Variants in RHBDL3 observed in about 807,000 individuals in gnomAD.
The protein encoded by RHBDL3 is rhomboid like 3, also known as rhomboid-related protein 3.
In RHBDL3, 28 loss-of-function variants were observed where a neutral mutation model predicts 48.2. That is an observed-to-expected ratio of 0.58 (90% CI 0.43 to 0.80). RHBDL3 has a LOEUF of 0.80. RHBDL3 is among the 30% of genes least tolerant of loss of function. The pLI, the probability that RHBDL3 is intolerant of heterozygous loss-of-function variation, is 0.00. For synonymous variants in RHBDL3, 208 were observed against 232.3 expected (o/e 0.90, Z 0.95); for missense variants, 464 against 542.7 (o/e 0.85, Z 1.44).
intron 5 of RHBDL3, among the ~76,000 whole-genome samples, chr17:32,296,423 C>T (rs1175968139): frequency 6.8e-6 from 1 of 147,420 alleles, no homozygotes; most frequent in African/African-American, 2.5e-5. Flanking sequence ...GCAGCCACCA[C>T]CTCCTGGGTT....
At chr17:32,316,521 C>CT (rs1007339710) in intron 8 of RHBDL3, among the ~76,000 whole-genome samples, 16 of 151,340 alleles carry the variant, frequency 1.1e-4, no homozygotes, top group African/African-American at 3.2e-4. Context: ...ATATTTTCAT[C>CT]TTTTTTTTTG....
rs2040263856 is a variant in RHBDL3 at position 32,289,001 on chromosome 17, A to G, written c.504A>G (p.Thr168=). The part of the protein sequence containing the change: ...TCCPPPWFMI[T]VTLLEVAFFL... ...GCCCCCCACCCTGGTTCATGATCAC[A>G]GTCACGCTGCTGGAGGCAAGGACAA... The change falls in exon 4 of 9, where the codon ACA becomes ACG. Residue 168 remains threonine, a synonymous_variant. Transcript: ENST00000269051. 6.2e-7 allele frequency: 1 copy of G among 1,614,122 alleles called. No individual in the cohort carries two copies. Among genetic ancestry groups the G allele is most frequent in the Non-Finnish European group, 8.5e-7 (1 of 1,179,986 alleles).
intron 2 of RHBDL3, among the ~76,000 whole-genome samples, chr17:32,279,429 A>T (rs1431917114): frequency 6.6e-6 from 1 of 152,164 alleles, no homozygotes; most frequent in Non-Finnish European, 1.5e-5. Flanking sequence ...AGAACTCTGC[A>T]GCGTAGTTTG....
rs780541044 is a variant in RHBDL3 at position 32,284,780 on chromosome 17, C to T, written c.257C>T (p.Ala86Val). ...CTCCTGGCTCTTGCCGACAGCCACG[C>T]GGATGGGCAGATCGGCTACCAGGAT... Reference protein sequence around the residue: ...EVLLALADSHADGQIGYQDFV... With the variant: ...EVLLALADSHVDGQIGYQDFV... Residue 86 changes from alanine to valine, a missense_variant, in exon 3 of 9, where the codon GCG becomes GTG. Ala to Val is a moderately conservative substitution (Grantham distance 64). Coordinates refer to ENST00000269051, the MANE Select transcript of RHBDL3 (RefSeq NM_138328.3). 4.5e-5 allele frequency: 72 copies of T among 1,613,882 alleles called. No homozygotes were observed. The East Asian group carries it at 1.4e-3, about 30-fold the overall frequency.
At chr17:32,314,157 A>T (rs2150752963) in intron 7 of RHBDL3, among the ~76,000 whole-genome samples, 1 of 152,218 alleles carries the variant, frequency 6.6e-6, no homozygotes, top group South Asian at 2.1e-4. Flanking sequence ...TGAAGATTAG[A>T]CTTTCTACCT....
chr17:32,320,692 C>A (rs527503351), intron 8 of RHBDL3, among the ~76,000 whole-genome samples: 1 of 152,354 alleles, frequency 6.6e-6, no homozygotes, highest in African/African-American at 2.4e-5. Flanking sequence ...TTAAAACAGG[C>A]ATTGCTTTTA....
At chr17:32,287,318 A>G (rs1391712945) in intron 3 of RHBDL3, among the ~76,000 whole-genome samples, 1 of 152,102 alleles carries the variant, frequency 6.6e-6, no homozygotes, top group Admixed American at 6.6e-5. Context: ...TGGCCACAAA[A>G]TAATCTGACA....
intron 4 of RHBDL3, among the ~76,000 whole-genome samples, chr17:32,289,283 A>T (rs1442749917): frequency 6.6e-6 from 1 of 152,102 alleles, no homozygotes; most frequent in African/African-American, 2.4e-5. Context: ...CCGTAGGACC[A>T]CTACCCCCCA....
intron 2 of RHBDL3, among the ~76,000 whole-genome samples, chr17:32,276,433 A>T (rs1037808595): frequency 6.6e-6 from 1 of 152,112 alleles, no homozygotes; most frequent in Admixed American, 6.5e-5. Context: ...CCTGGACCTA[A>T]TTTACGGGGC....
chr17:32,310,356 C>T (rs1196193426), intron 7 of RHBDL3, among the ~76,000 whole-genome samples: 3 of 150,970 alleles, frequency 2.0e-5, no homozygotes, highest in Non-Finnish European at 4.4e-5. Flanking sequence ...CCGAGGTGGG[C>T]AGATCACGAG....
At chr17:32,316,086 A>G in intron 7 of RHBDL3, 146 bp from the exon 8 acceptor site, 1 of 664,164 alleles carries the variant, frequency 1.5e-6, no homozygotes, top group South Asian at 1.8e-5. Flanking sequence ...TCTCAAAGCC[A>G]TGTGGTGTGT....
intron 7 of RHBDL3, among the ~76,000 whole-genome samples, chr17:32,306,674 C>CTT (rs2150742261): frequency 6.6e-6 from 1 of 152,268 alleles, no homozygotes; most frequent in Admixed American, 6.5e-5. Flanking sequence ...AATCCCAGCA[C>CTT]TTTGAGAGGC....
intron 2 of RHBDL3, among the ~76,000 whole-genome samples, chr17:32,277,791 T>C (rs1453220029): frequency 1.3e-5 from 2 of 152,212 alleles, no homozygotes; most frequent in Admixed American, 6.5e-5. Context: ...CATCAAGTGT[T>C]ACTGTGAAAA....
chr17:32,310,726 T>G (rs935404770), intron 7 of RHBDL3, among the ~76,000 whole-genome samples: 1 of 81,010 alleles, frequency 1.2e-5, no homozygotes, highest in Non-Finnish European at 2.9e-5. Flanking sequence ...AAAATATATA[T>G]ATAAAAAATT....
At chr17:32,273,233 C>T (rs1481208086) in intron 2 of RHBDL3, among the ~76,000 whole-genome samples, 1 of 152,206 alleles carries the variant, frequency 6.6e-6, no homozygotes, top group Non-Finnish European at 1.5e-5. Context: ...AACTCCTGAC[C>T]TCAGGTGATT....
chr17:32,273,709 A>T (rs901417176), intron 2 of RHBDL3, among the ~76,000 whole-genome samples: 1 of 152,198 alleles, frequency 6.6e-6, no homozygotes, highest in African/African-American at 2.4e-5. Flanking sequence ...TAAAAAATAA[A>T]AAGACATATA....
At chr17:32,313,593 G>T (rs1831161670) in intron 7 of RHBDL3, among the ~76,000 whole-genome samples, 1 of 151,646 alleles carries the variant, frequency 6.6e-6, no homozygotes, top group Non-Finnish European at 1.5e-5. Context: ...CCAGCCCCTG[G>T]CAACCACCAT....
At chr17:32,300,008 T>G (rs1026751496) in intron 6 of RHBDL3, among the ~76,000 whole-genome samples, 3 of 152,214 alleles carry the variant, frequency 2.0e-5, no homozygotes, top group African/African-American at 7.2e-5. Flanking sequence ...CACTTATCAG[T>G]GCCTACCATA....
chr17:32,305,280 G>A (rs1309364448), intron 6 of RHBDL3, 61 bp from the exon 7 acceptor site: 6 of 1,114,454 alleles, frequency 5.4e-6, no homozygotes, highest in Non-Finnish European at 8.3e-6. Context: ...CAAGGCCTGG[G>A]GCTGGGTTGG....
Sources: gnomAD v4.1 joint callset for allele counts (sites outside exome capture counted in the v4.1 genomes callset) on GRCh38, gnomAD v4.1.1 for gene constraint, MANE v1.5 for transcripts, NCBI Gene and HGNC (gene_info 2026-07-23, HGNC 2026-07-21) for gene names.